Variants in SRGAP2B observed in about 807,000 individuals in gnomAD.
SRGAP2B encodes SLIT-ROBO Rho GTPase activating protein 2B, also known as SLIT-ROBO Rho GTPase-activating protein 2B.
A neutral mutation model predicts 22.2 loss-of-function variants in SRGAP2B; 9 were observed. That is an observed-to-expected ratio of 0.41 (90% CI 0.24 to 0.71). The LOEUF is 0.71. Ranked by LOEUF, SRGAP2B falls within the 30% of genes least tolerant of loss-of-function variation. The pLI, the probability that SRGAP2B is intolerant of heterozygous loss-of-function variation, is 0.35. For synonymous variants in SRGAP2B, 36 were observed against 87.4 expected, an observed-to-expected ratio of 0.41 and a Z score of 3.28; for missense variants, 114 against 235.8, an observed-to-expected ratio of 0.48 and a Z score of 3.38.
chr1:145,076,118 T>C (rs1652479929), intron 2 of SRGAP2B, among the ~76,000 whole-genome samples: 1 of 150,472 alleles, frequency 6.6e-6, no homozygotes, highest in Admixed American at 6.6e-5. Flanking sequence ...AATATACATG[T>C]ATCTTCCCTA....
intron 2 of SRGAP2B, among the ~76,000 whole-genome samples, chr1:145,009,188 A>T (rs1239682690): frequency 2.0e-5 from 3 of 148,690 alleles, no homozygotes; most frequent in African/African-American, 7.6e-5. Flanking sequence ...AAAAAAAAAA[A>T]AAAAACCTCC....
intron 4 of SRGAP2B, among the ~76,000 whole-genome samples, chr1:144,916,053 G>T (rs1478931312): frequency 1.3e-5 from 2 of 148,304 alleles, no homozygotes; most frequent in Non-Finnish European, 3.0e-5. Flanking sequence ...TTTTTTCAAG[G>T]TACATACATC....
At chr1:145,091,278 G>C (rs1553636233) in intron 2 of SRGAP2B, among the ~76,000 whole-genome samples, 1 of 42,806 alleles carries the variant, frequency 2.3e-5, no homozygotes, top group Non-Finnish European at 3.6e-5. Flanking sequence ...CTGCAGGGGG[G>C]ATTCCAAGAG....
Position 144,997,441 on chromosome 1 carries a change from C to CA in SRGAP2B, c.68-2242dup, listed in dbSNP as rs1402694115. On this transcript the variant is annotated intron_variant, in intron 2 of 9. Coordinates refer to ENST00000612199, the Ensembl canonical transcript of SRGAP2B. The stretch of plus-strand genomic sequence containing the variant: ...GCAAGACTCCGTCTCAAACAAACAA[C>CA]AAAAAAAAGAACCAAGGCGTTTTTA... Among the ~76,000 whole-genome samples, 94 of 149,426 alleles carry CA rather than the reference C, an allele frequency of 6.3e-4. 2 individuals are homozygous for CA. Among genetic ancestry groups the CA allele is most frequent in the South Asian group, 6.3e-3 (30 of 4,774 alleles).
intron 2 of SRGAP2B, among the ~76,000 whole-genome samples, chr1:145,089,950 G>A (rs1653816035): frequency 6.9e-6 from 1 of 145,362 alleles, no homozygotes; most frequent in South Asian, 2.1e-4. Context: ...GGAAACTGAG[G>A]CTCAGACAAG....
At chr1:145,009,561 C>T (rs1375985655) in intron 2 of SRGAP2B, among the ~76,000 whole-genome samples, 2 of 145,952 alleles carry the variant, frequency 1.4e-5, no homozygotes, top group Admixed American at 6.8e-5. Context: ...GCACTCCAGC[C>T]TGGGCGACAG....
intron 4 of SRGAP2B, among the ~76,000 whole-genome samples, chr1:144,941,751 A>C (rs1666068006): frequency 2.0e-5 from 3 of 149,648 alleles, no homozygotes; most frequent in Non-Finnish European, 4.4e-5. Flanking sequence ...AAAGATAAAT[A>C]GGGGAGTCAA....
intron 2 of SRGAP2B, among the ~76,000 whole-genome samples, chr1:145,084,040 A>G (rs1205933133): frequency 7.4e-6 from 1 of 135,966 alleles, no homozygotes; most frequent in Non-Finnish European, 1.6e-5. Flanking sequence ...GTTGGGCTTT[A>G]CCAGAAAGGT....
At chr1:144,944,853 G>A (rs191592526) in intron 4 of SRGAP2B, among the ~76,000 whole-genome samples, 8 of 147,238 alleles carry the variant, frequency 5.4e-5, no homozygotes, top group Non-Finnish European at 7.4e-5. Context: ...TCCACCTTCC[G>A]GGTTCAAGTG....
At chr1:144,991,275 G>A (rs1553617090) in intron 3 of SRGAP2B, among the ~76,000 whole-genome samples, 2 of 148,288 alleles carry the variant, frequency 1.3e-5, no homozygotes, top group Non-Finnish European at 3.0e-5. Flanking sequence ...CTAGCTCAAG[G>A]ATTGTAAATA....
intron 2 of SRGAP2B, among the ~76,000 whole-genome samples, chr1:145,086,631 G>A (rs1468387616): frequency 5.6e-5 from 2 of 35,826 alleles, no homozygotes; most frequent in Non-Finnish European, 1.1e-4. Flanking sequence ...GCAGTGAGCC[G>A]TGATCAAGCC....
intron 5 of SRGAP2B, among the ~76,000 whole-genome samples, chr1:144,913,134 G>C (rs1322886104): frequency 6.9e-6 from 1 of 144,886 alleles, no homozygotes; most frequent in Non-Finnish European, 1.5e-5. Context: ...AGAGACATAG[G>C]ACCCTGGGTA....
intron 2 of SRGAP2B, among the ~76,000 whole-genome samples, chr1:145,088,720 GC>G (rs1340977224): frequency 1.4e-5 from 2 of 140,634 alleles, no homozygotes; most frequent in East Asian, 4.1e-4. Context: ...TGGTAACCAT[GC>G]CCTGCACCTT....
intron 3 of SRGAP2B, among the ~76,000 whole-genome samples, chr1:144,964,754 T>C (rs1209856714): frequency 9.3e-5 from 14 of 150,620 alleles, no homozygotes; most frequent in African/African-American, 3.2e-4. Context: ...TCTTCACCTG[T>C]TTTAAAAAGT....
intron 4 of SRGAP2B, among the ~76,000 whole-genome samples, chr1:144,932,346 CTGTGCCTT>C (rs1175741687): frequency 4.6e-5 from 7 of 151,078 alleles, no homozygotes; most frequent in Non-Finnish European, 1.0e-4. Flanking sequence ...CTTTGTGTCA[CTGTGCCTT>C]TCTCTCCACT....
At position 144,997,707 on chromosome 1, in the gene SRGAP2B, C is replaced by T. The variant is rs587633052; in HGVS notation, c.68-2507G>A. 9.3e-5 allele frequency among the ~76,000 whole-genome samples: 13 copies of T among 139,380 alleles called. No homozygotes were observed. In the East Asian group the frequency reaches 2.5e-3, roughly 27 times the overall value. The allele number at this position is 139,380 out of a possible 152,430, so 91.4% of individuals were successfully genotyped here. On this transcript the variant is annotated intron_variant, in intron 2 of 9. Coordinates refer to ENST00000612199, the Ensembl canonical transcript of SRGAP2B. The stretch of plus-strand genomic sequence containing the variant: ...CAGAAGTAGGCCACTCCAGAGTTAG[C>T]CTGTCCAAGGAACAAGTACTTAATA...
rs1183489603 is a variant in SRGAP2B, at chr1:144,950,950, G to A, written c.423+4489C>T. 1.8e-4 allele frequency among the ~76,000 whole-genome samples: 27 copies of A among 150,384 alleles called. 1 individual carries two copies. The highest frequency in any genetic ancestry group is 3.2e-4 in the Non-Finnish European group (22 of 67,898). ...TGCAACCTCCACTTCCCGGGTTCAA[G>A]AGATTCTCCTGCTTCAATCTCTTGA... On this transcript the variant is annotated intron_variant, in intron 4 of 9. Coordinates refer to ENST00000612199, the Ensembl canonical transcript of SRGAP2B.
At chr1:144,932,209 C>T (rs587644029) in intron 4 of SRGAP2B, among the ~76,000 whole-genome samples, 17 of 149,068 alleles carry the variant, frequency 1.1e-4, no homozygotes, top group African/African-American at 3.6e-4. Context: ...TCCCCATGAT[C>T]GTCCCCACCC....
intron 2 of SRGAP2B, among the ~76,000 whole-genome samples, chr1:145,016,980 G>A (rs1191905364): frequency 7.1e-6 from 1 of 141,512 alleles, no homozygotes; most frequent in African/African-American, 2.7e-5. Context: ...TGTTTTTTGA[G>A]ACAGAGTCTT....
Sources: allele counts gnomAD v4.1 joint callset (sites outside exome capture counted in the v4.1 genomes callset), GRCh38; gene constraint gnomAD v4.1.1; transcripts MANE v1.5; gene names NCBI Gene and HGNC (gene_info 2026-07-23, HGNC 2026-07-21).